Variants in CALN1 observed in about 807,000 individuals in gnomAD.
CALN1 encodes calneuron 1.
Under a neutral mutation model 30.6 loss-of-function variants are expected in CALN1, and 17 were observed. The observed-to-expected ratio is 0.56, with a 90% CI of 0.38 to 0.83. The LOEUF (loss-of-function observed/expected upper bound fraction) is 0.83, where lower values mean the gene tolerates loss of function less well. CALN1 is among the 40% of genes least tolerant of loss of function. The probability of loss-of-function intolerance (pLI) is 0.00; values close to 1 mark genes in which losing one functional copy is unlikely to be tolerated. For synonymous variants in CALN1, 156 were observed against 131.4 expected (o/e 1.19, Z -1.28); for missense variants, 291 against 354.9 (o/e 0.82, Z 1.45).
intron 5 of CALN1, among the ~76,000 whole-genome samples, chr7:72,009,537 T>C (rs1002915313): frequency 2.6e-5 from 4 of 152,340 alleles, no homozygotes; most frequent in East Asian, 1.9e-4. Flanking sequence ...AAAGCTATCA[T>C]ATATTCATGG....
At chr7:71,933,735 T>G (rs1795682044) in intron 5 of CALN1, among the ~76,000 whole-genome samples, 1 of 152,184 alleles carries the variant, frequency 6.6e-6, no homozygotes, top group African/African-American at 2.4e-5. Flanking sequence ...ATATAAATCT[T>G]AGCTTATCTC....
At chr7:72,048,694 T>C (rs1802641012) in intron 4 of CALN1, among the ~76,000 whole-genome samples, 2 of 150,318 alleles carry the variant, frequency 1.3e-5, no homozygotes, top group African/African-American at 4.9e-5. Flanking sequence ...TGCCTCCCCT[T>C]CTTCCTCCCT....
chr7:72,293,657 A>G, intron 2 of CALN1, among the ~76,000 whole-genome samples: 1 of 152,018 alleles, frequency 6.6e-6, no homozygotes, highest in East Asian at 1.9e-4. Context: ...CACGTTTGGT[A>G]TTTTTTTTCT....
intron 3 of CALN1, among the ~76,000 whole-genome samples, chr7:72,118,042 C>T (rs940416008): frequency 1.3e-5 from 2 of 151,882 alleles, no homozygotes; most frequent in African/African-American, 4.8e-5. Context: ...GGTGCACAGG[C>T]CCAGTGCTCA....
intron 5 of CALN1, among the ~76,000 whole-genome samples, chr7:71,876,271 C>T (rs1197311149): frequency 2.6e-5 from 4 of 152,220 alleles, no homozygotes; most frequent in East Asian, 3.9e-4. Flanking sequence ...GGTTAGTTCT[C>T]GTGGGAGTGA....
intron 2 of CALN1, among the ~76,000 whole-genome samples, chr7:72,355,494 C>A (rs532603436): frequency 6.6e-6 from 1 of 152,242 alleles, no homozygotes; most frequent in East Asian, 1.9e-4. Flanking sequence ...CCACTGCACT[C>A]CAGCCTGGGC....
At chr7:71,858,353 C>A (rs1014036247) in intron 5 of CALN1, among the ~76,000 whole-genome samples, 3 of 152,042 alleles carry the variant, frequency 2.0e-5, no homozygotes, top group Admixed American at 6.6e-5. Flanking sequence ...TATAAATCAC[C>A]CAATCTCGGG....
chr7:72,030,187 G>C (rs1028583427), intron 4 of CALN1, among the ~76,000 whole-genome samples: 1 of 152,170 alleles, frequency 6.6e-6, no homozygotes, highest in African/African-American at 2.4e-5. Context: ...GAGCGTTAGA[G>C]TATTGGGAAA....
chr7:72,297,294 CAAAAT>C (rs1285959404), intron 2 of CALN1, among the ~76,000 whole-genome samples: 1 of 151,326 alleles, frequency 6.6e-6, no homozygotes. Flanking sequence ...AAAATAACAA[CAAAAT>C]AAATTAAGAA....
chr7:72,496,740 T>C, the CALN1 span, among the ~76,000 whole-genome samples: 1 of 152,076 alleles, frequency 6.6e-6, no homozygotes, highest in African/African-American at 2.4e-5. Flanking sequence ...GGTGTGGTGG[T>C]GTGCACCTGT....
intron 4 of CALN1, among the ~76,000 whole-genome samples, chr7:72,027,712 A>AAAAC (rs1225859157): frequency 9.1e-4 from 131 of 144,258 alleles, no homozygotes; most frequent in Non-Finnish European, 1.6e-3. Context: ...ACCCTGTCTC[A>AAAAC]AAACAAACAA....
At chr7:72,366,829 C>CA (rs35788493) in intron 2 of CALN1, among the ~76,000 whole-genome samples, 85,072 of 149,850 alleles carry the variant, frequency 0.57, 24,184 homozygotes, top group East Asian at 0.73. Flanking sequence ...ATATAACCAA[C>CA]AAAAAAAAAG....
chr7:72,211,247 G>T (rs1792372975), intron 3 of CALN1, among the ~76,000 whole-genome samples: 1 of 151,876 alleles, frequency 6.6e-6, no homozygotes, highest in African/African-American at 2.4e-5. Flanking sequence ...TCCTTTCCAG[G>T]CTCCAGAGAA....
intron 1 of CALN1, among the ~76,000 whole-genome samples, chr7:72,434,833 A>C (rs1258106950): frequency 6.6e-6 from 1 of 152,240 alleles, no homozygotes; most frequent in African/African-American, 2.4e-5. Flanking sequence ...ACTTCATGCG[A>C]GGCCTGGACA....
At chr7:72,077,081 C>A (rs1192171492) in intron 4 of CALN1, among the ~76,000 whole-genome samples, 1 of 151,960 alleles carries the variant, frequency 6.6e-6, no homozygotes, top group Non-Finnish European at 1.5e-5. Context: ...TGGATAAATA[C>A]CTAGTAGTAG....
chr7:72,331,512 A>G (rs772941043), intron 2 of CALN1, among the ~76,000 whole-genome samples: 16 of 152,198 alleles, frequency 1.1e-4, no homozygotes, highest in South Asian at 2.1e-4. Flanking sequence ...TACAGTAACA[A>G]TAACGGAGGA....
intron 5 of CALN1, among the ~76,000 whole-genome samples, chr7:71,846,853 T>C (rs1790275265): frequency 6.8e-6 from 1 of 146,444 alleles, no homozygotes; most frequent in Admixed American, 6.9e-5. Context: ...ATATTATATA[T>C]GTATATATGT....
intron 3 of CALN1, among the ~76,000 whole-genome samples, chr7:72,248,579 C>T (rs1795342365): frequency 6.6e-6 from 1 of 151,562 alleles, no homozygotes; most frequent in South Asian, 2.1e-4. Flanking sequence ...GACCCTCCAG[C>T]CTCCCTCTTA....
chr7:72,187,360 T>C (rs1240713798), intron 3 of CALN1, among the ~76,000 whole-genome samples: 1 of 152,136 alleles, frequency 6.6e-6, no homozygotes, highest in East Asian at 1.9e-4. Context: ...ATGCAATCAT[T>C]GTCTAGGACA....
Sources: allele counts gnomAD v4.1 joint callset (sites outside exome capture counted in the v4.1 genomes callset), GRCh38; gene constraint gnomAD v4.1.1; transcripts MANE v1.5; gene names NCBI Gene and HGNC (gene_info 2026-07-23, HGNC 2026-07-21).